Variants in ZFP36L2 observed in about 807,000 individuals in gnomAD.
ZFP36L2 encodes ZFP36 like 2 zinc finger CCCH-type.
Under a neutral mutation model 27.9 loss-of-function variants are expected in ZFP36L2, and 16 were observed. The ratio of observed to expected loss-of-function variants is 0.57; its 90% confidence interval spans 0.39 to 0.87. ZFP36L2 has a LOEUF of 0.87. Among genes scored for constraint, ZFP36L2 ranks in the 40% least tolerant of loss-of-function variants. The probability of loss-of-function intolerance (pLI) is 0.00; values close to 1 mark genes in which losing one functional copy is unlikely to be tolerated. For synonymous variants in ZFP36L2, 600 were observed against 363.8 expected, an observed-to-expected ratio of 1.65 and a Z score of -7.39; for missense variants, 989 against 726.9, an observed-to-expected ratio of 1.36 and a Z score of -4.15.
At chr2:43,226,148 C>G in intron 1 of ZFP36L2, 117 bp downstream of exon 1, 1 of 1,432,678 alleles carries the variant, frequency 7.0e-7, no homozygotes, top group East Asian at 2.5e-5. Flanking sequence ...TTGCAAACCC[C>G]GGGACTTTCC....
Position 43,224,675 on chromosome 2 carries a change from C to G in ZFP36L2, c.1129G>C (p.Ala377Pro), listed in dbSNP as rs1344468585. 1 of 1,538,992 alleles carries G rather than the reference C, an allele frequency of 6.5e-7. No homozygotes were observed. The highest frequency in any genetic ancestry group is 8.7e-7 in the Non-Finnish European group (1 of 1,147,916). The part of the protein sequence containing the change: ...PELSSLITPL[A>P]IQTHNFAAVA... ...GCGGCAAAGTTGTGGGTCTGGATGG[C>G]GAGCGGCGTGATGAGGCTGCTGAGC... Residue 377 changes from alanine to proline, a missense_variant, in exon 2 of 2, where the codon GCC becomes CCC. Physicochemically the swap from Ala to Pro is conservative, Grantham distance 27. Transcript: ENST00000282388.
Position 43,224,728 on chromosome 2 carries a change from G to T in ZFP36L2, c.1076C>A (p.Ala359Asp). 1 of 1,527,804 alleles carries T rather than the reference G, an allele frequency of 6.5e-7. No homozygotes were observed. 94.6% of individuals were successfully genotyped at this position (1,527,804 alleles called of 1,614,324 possible). A position where few individuals can be genotyped will look rare whatever the true frequency, so the allele number is the denominator to read the frequency against. Residue 359 changes from alanine (A) to aspartate (D), a missense_variant, in exon 2 of 2, where the codon GCC (alanine) becomes GAC (aspartate). Transcript: ENST00000282388. ...CGGACCGAAGGCGAAGGCGTTGTTG[G>T]CGCACGAGGCCGACGAGCAGGCCGC... ...PCAACSSASC[A>D]NNAFAFGPEL... is the part of the protein sequence containing the mutation.
At position 43,226,335 on chromosome 2, in the gene ZFP36L2, G is replaced by T. The variant is rs1232056140; in HGVS notation, c.-20C>A. ...CGACATGTTTCTGGATCCCGCAGTG[G>T]CCGGAGCGGCAGGCCGGGAGGTCGG... is the stretch of plus-strand genomic sequence containing the variant. On this transcript the variant is annotated 5_prime_UTR_variant, in exon 1 of 2. Coordinates refer to ENST00000282388, the MANE Select transcript of ZFP36L2 (RefSeq NM_006887.5). 3.8e-6 allele frequency: 6 copies of T among 1,569,164 alleles called. No homozygotes were observed. The highest frequency in any genetic ancestry group is 1.7e-4 in the Middle Eastern group (1 of 5,994).
At position 43,225,142 on chromosome 2, in the gene ZFP36L2, C is replaced by G; in HGVS notation, c.662G>C (p.Arg221Pro). The G allele has an allele frequency of 6.3e-7, 1 of 1,590,314 alleles. No individual in the cohort carries two copies. The highest frequency in any genetic ancestry group is 8.5e-7 in the Non-Finnish European group (1 of 1,176,484). ...GGCGCCCCCCGACGGCGCGGGCCGC[C>G]GCTCGTCCGCGTTGTGGATGAAGTG... is the stretch of plus-strand genomic sequence containing the variant. Reference protein sequence around the residue: ...RCHFIHNADERRPAPSGGASG... With the variant: ...RCHFIHNADEPRPAPSGGASG... The change falls in exon 2 of 2, where the codon CGG (arginine) becomes CCG (proline). Residue 221 changes from arginine to proline, a missense_variant. Physicochemically the swap from Arg to Pro is moderately radical, Grantham distance 103 (BLOSUM62 -2). Coordinates refer to ENST00000282388, the MANE Select transcript of ZFP36L2 (RefSeq NM_006887.5).
chr2:43,226,423 G>A lies in ZFP36L2; in HGVS notation c.-108C>T. 7.0e-7 allele frequency: 1 copy of A among 1,434,234 alleles called. No homozygotes were observed. The highest frequency in any genetic ancestry group is 9.6e-7 in the Non-Finnish European group (1 of 1,045,712). 88.8% of individuals were successfully genotyped at this position (1,434,234 alleles called of 1,614,324 possible). ...CGACGAATAACGGGCGAGGGGCGGG[G>A]AGGGGCCGAAAGTTTGCCGGGGGGC... On this transcript the variant is annotated 5_prime_UTR_variant, in exon 1 of 2. Coordinates refer to ENST00000282388, the MANE Select transcript of ZFP36L2 (RefSeq NM_006887.5).
In ZFP36L2 at chr2:43,225,194, C is replaced by T. The variant is rs1278465358; in HGVS notation, c.610G>A (p.Gly204Ser). Residue 204 changes from glycine (G) to serine (S), a missense_variant, in exon 2 of 2, where the codon GGC becomes AGC. Transcript: ENST00000282388. ...TELCRTFHTI[G>S]FCPYGPRCHF... ...CAGCGCGGCCCATAGGGGCAGAAGC[C>T]GATGGTATGAAAGGTGCGGCACAGC... 1.2e-6 allele frequency: 2 copies of T among 1,601,922 alleles called. No individual in the cohort carries two copies. Among genetic ancestry groups the T allele is most frequent in the Non-Finnish European group, 1.7e-6 (2 of 1,179,764 alleles).
rs201000261 is a variant in ZFP36L2, at chr2:43,226,360, G to A, written c.-45C>T. On this transcript the variant is annotated 5_prime_UTR_variant, in exon 1 of 2. Transcript: ENST00000282388. ...GCCGGAGCGGCAGGCCGGGAGGTCG[G>A]GAGGAGCCCTTGGGGCGGCGTGGCC... The A allele has an allele frequency of 4.5e-6, 7 of 1,556,706 alleles. No homozygotes were observed. The highest frequency in any genetic ancestry group is 1.4e-5 in the African/African-American group (1 of 73,298).
Position 43,224,649 on chromosome 2 carries a change from G to T in ZFP36L2, c.1155C>A (p.Ala385=), listed in dbSNP as rs374137323. The T allele has an allele frequency of 1.7e-5, 26 of 1,510,212 alleles. No individual in the cohort carries two copies. Among genetic ancestry groups the T allele is most frequent in the Non-Finnish European group, 2.2e-5 (25 of 1,133,420 alleles). 93.6% of individuals were successfully genotyped at this position (1,510,212 alleles called of 1,614,324 possible). Residue 385 remains alanine (A), a synonymous_variant, in exon 2 of 2, where the codon GCC becomes GCA. Transcript: ENST00000282388. ...TGCGGTAGTAGGCGGCGGCGGCCACGGCGGCAAAGTTGTGGGTCTGGATGG... is the reference window on the plus strand; with the variant it reads ...TGCGGTAGTAGGCGGCGGCGGCCACTGCGGCAAAGTTGTGGGTCTGGATGG... ...PLAIQTHNFA[A]VAAAAYYRSQ...
rs982517791 is a variant in ZFP36L2 at position 43,223,343 on chromosome 2, GATT to G, written c.*973_*975del. ...AAGAACATACACTCCACATTTTGCCGATTAATAATGGCAATCATAATTTAACAT... is the reference window on the plus strand; with the variant it reads ...AAGAACATACACTCCACATTTTGCCGAATAATGGCAATCATAATTTAACAT... On this transcript the variant is annotated 3_prime_UTR_variant, in exon 2 of 2. Transcript: ENST00000282388. 19 of 152,188 alleles carry G rather than the reference GATT, an allele frequency of 1.2e-4. No homozygotes were observed. Among genetic ancestry groups the G allele is most frequent in the African/African-American group, 4.6e-4 (19 of 41,386 alleles). 9.4% of individuals were successfully genotyped at this position (152,188 alleles called of 1,614,324 possible). A position where few individuals can be genotyped will look rare whatever the true frequency, so the allele number is the denominator to read the frequency against.
At position 43,226,447 on chromosome 2, in the gene ZFP36L2, G is replaced by A. The variant is rs1325412553; in HGVS notation, c.-132C>T. 1 of 1,220,422 alleles carries A rather than the reference G, an allele frequency of 8.2e-7. No homozygotes were observed. The highest frequency in any genetic ancestry group is 1.2e-6 in the Non-Finnish European group (1 of 856,320). The allele number at this position is 1,220,422 out of a possible 1,614,324, so 75.6% of individuals were successfully genotyped here. On this transcript the variant is annotated 5_prime_UTR_variant, in exon 1 of 2. Coordinates refer to ENST00000282388, the MANE Select transcript of ZFP36L2 (RefSeq NM_006887.5). ...GGAGGGGCCGAAAGTTTGCCGGGGG[G>A]CGAGAGGAGAGGGCGAGTGCAGCGG...
rs2103973731 is a variant in ZFP36L2 at position 43,224,032 on chromosome 2, T to A, written c.*287A>T. On this transcript the variant is annotated 3_prime_UTR_variant, in exon 2 of 2. Transcript: ENST00000282388. ...TGTTCTATTCGTATCACAACTGCCC[T>A]GTTGTGAATATTTTGTTCAACAGAA... The A allele has an allele frequency of 3.4e-6, 1 of 298,492 alleles. No homozygotes were observed. The highest frequency in any genetic ancestry group is 6.1e-6 in the Non-Finnish European group (1 of 164,968). 18.5% of individuals were successfully genotyped at this position (298,492 alleles called of 1,614,324 possible). A position where few individuals can be genotyped will look rare whatever the true frequency, so the allele number is the denominator to read the frequency against.
At position 43,225,716 on chromosome 2, in the gene ZFP36L2, T is replaced by C. The variant is rs745522686; in HGVS notation, c.88A>G (p.Met30Val). The C allele has an allele frequency of 3.1e-6, 5 of 1,594,984 alleles. No homozygotes were observed. In the East Asian group the frequency reaches 9.0e-5, roughly 29 times the overall value. ...GTCCCCACCGCCTTCTTGTCCAGCATGTTGTTCAGGTTGAGGTTGGCCAGG... is the reference window on the plus strand; with the variant it reads ...GTCCCCACCGCCTTCTTGTCCAGCACGTTGTTCAGGTTGAGGTTGGCCAGG... ...KSLANLNLNN[M>V]LDKKAVGTPV... is the part of the protein sequence containing the mutation. Residue 30 changes from methionine (M) to valine (V), a missense_variant, in exon 2 of 2, where the codon ATG (methionine) becomes GTG (valine). Transcript: ENST00000282388.
In ZFP36L2 at chr2:43,224,812, G is replaced by T; in HGVS notation, c.992C>A (p.Ala331Asp). 4.9e-6 allele frequency: 7 copies of T among 1,422,060 alleles called. No homozygotes were observed. The highest frequency in any genetic ancestry group is 1.5e-5 in the South Asian group (1 of 68,312). 88.1% of individuals were successfully genotyped at this position (1,422,060 alleles called of 1,614,324 possible). ...CCASAAAAAA[A>D]ALLYGTGGAE... ...GCCCCCGGTGCCGTACAGCAGAGCG[G>T]CCGCAGCCGCGGCCGCCGCGGAGGC... Residue 331 changes from alanine (A) to aspartate (D), a missense_variant, in exon 2 of 2, where the codon GCC becomes GAC. Transcript: ENST00000282388.
rs1667000461 is a variant in ZFP36L2, at chr2:43,222,962, T to A, written c.*1357A>T. 1 of 152,300 alleles carries A rather than the reference T, an allele frequency of 6.6e-6. No individual in the cohort carries two copies. The highest frequency in any genetic ancestry group is 6.5e-5 in the Admixed American group (1 of 15,282). The allele number at this position is 152,300 out of a possible 1,614,324, so 9.4% of individuals were successfully genotyped here. On this transcript the variant is annotated 3_prime_UTR_variant, in exon 2 of 2. Coordinates refer to ENST00000282388, the MANE Select transcript of ZFP36L2 (RefSeq NM_006887.5). ...CTACATGTCTTTATACTCGAGTATG[T>A]CACAGTAGAACTGGTGGAATAAGCA... is the stretch of plus-strand genomic sequence containing the variant.
At chr2:43,225,877 G>T in intron 1 of ZFP36L2, 125 bp from the exon 2 acceptor site, 1 of 1,049,956 alleles carries the variant, frequency 9.5e-7, no homozygotes, top group Non-Finnish European at 1.3e-6. Context: ...GGCGGATCCC[G>T]ACTCGGCCTC....
At position 43,226,119 on chromosome 2, in the gene ZFP36L2, A is replaced by G. The variant is rs1013206404; in HGVS notation, c.51+146T>C. 149 of 1,170,046 alleles carry G rather than the reference A, an allele frequency of 1.3e-4. No homozygotes were observed. The African/African-American group carries it at 2.1e-3, about 17-fold the overall frequency. The allele number at this position is 1,170,046 out of a possible 1,614,324, so 72.5% of individuals were successfully genotyped here. On this transcript the variant is annotated intron_variant, in intron 1 of 1. Coordinates refer to ENST00000282388, the MANE Select transcript of ZFP36L2 (RefSeq NM_006887.5). ...CCTCCTTGCCGCCCTCCCCGCCTCC[A>G]GGGCGCTCGGACACTCTTTTGCAAA...
intron 1 of ZFP36L2, 117 bp from the exon 2 acceptor site, chr2:43,225,869 C>T: frequency 1.8e-6 from 2 of 1,116,410 alleles, no homozygotes; most frequent in Non-Finnish European, 2.5e-6. Context: ...CCACTCTTGG[C>T]GGATCCCGAC....
rs1258107342 is a variant in ZFP36L2 at position 43,224,611 on chromosome 2, T to C, written c.1193A>G (p.Gln398Arg). The change falls in exon 2 of 2, where the codon CAG (glutamine) becomes CGG (arginine). Residue 398 changes from glutamine (Q) to arginine (R), a missense_variant. Physicochemically the swap from Gln to Arg is conservative, Grantham distance 43. Transcript: ENST00000282388. ...GGGGGGCGCCAGGCCCTGCTGCTGC[T>C]GCTGCTGCTGACTGCGGTAGTAGGC... ...AAAYYRSQQQ[Q>R]QQQGLAPPAQ... The C allele has an allele frequency of 1.2e-5, 18 of 1,449,820 alleles. No homozygotes were observed. The highest frequency in any genetic ancestry group is 1.5e-5 in the Non-Finnish European group (17 of 1,102,350). The allele number at this position is 1,449,820 out of a possible 1,614,324, so 89.8% of individuals were successfully genotyped here.
chr2:43,224,220 C>G lies in ZFP36L2; in HGVS notation c.*99G>C, dbSNP rs146079842. 5.6e-4 allele frequency: 718 copies of G among 1,292,870 alleles called. No individual in the cohort carries two copies. The East Asian group carries it at 7.0e-3, about 13-fold the overall frequency. 80.1% of individuals were successfully genotyped at this position (1,292,870 alleles called of 1,614,324 possible). ...CAGTCTGCCTAGGGCCCATGTCACC[C>G]CCCCCACTCCCGTGCCCCCAGCAAG... On this transcript the variant is annotated 3_prime_UTR_variant, in exon 2 of 2. Transcript: ENST00000282388.
Sources: allele counts gnomAD v4.1 joint callset, GRCh38; gene constraint gnomAD v4.1.1; transcripts MANE v1.5; gene names NCBI Gene and HGNC (gene_info 2026-07-23, HGNC 2026-07-21).